L1TD1: variants seen among roughly 807,000 people sequenced by gnomAD.
L1TD1 encodes the protein LINE1 type transposase domain containing 1, also known as LINE-1 type transposase domain-containing protein 1.
In L1TD1, 26 loss-of-function variants were observed where a neutral mutation model predicts 25.7. The ratio of observed to expected loss-of-function variants is 1.01; its 90% confidence interval spans 0.74 to 1.40. The LOEUF is 1.40. Ranked by LOEUF, L1TD1 falls within the 40% of genes most tolerant of loss-of-function variation. The pLI is 0.00. For missense variants in L1TD1, 1,130 were observed against 975.0 expected (o/e 1.16, Z -2.12); for synonymous variants, 421 against 335.6 (o/e 1.25, Z -2.78).
rs755620644 is a variant in L1TD1 at position 62,210,806 on chromosome 1, A to G, written c.2032A>G (p.Met678Val). ...AATTGAAGAATTCTCTAAGGATACA[A>G]TGCAAATGACCAAACAGATAATTAG... ...DQIEEFSKDT[M>V]QMTKQIISKE... The change falls in exon 4 of 4, where the codon ATG becomes GTG. Residue 678 changes from methionine to valine, a missense_variant. Physicochemically the swap from Met to Val is conservative, Grantham distance 21. Coordinates refer to ENST00000498273, the MANE Select transcript of L1TD1 (RefSeq NM_019079.5). The G allele has an allele frequency of 1.0e-5, 16 of 1,550,040 alleles. No individual in the cohort carries two copies. The African/African-American group carries it at 1.9e-4, about 19-fold the overall frequency.
At chr1:62,208,490 T>TGTTGTTG (rs530963508) in intron 3 of L1TD1, 19,716 of 150,992 alleles carry the variant, frequency 0.13, 1,712 homozygotes, top group African/African-American at 0.22. Context: ...GCTTTTTTTT[T>TGTTGTTG]TTTTTTTGAG....
At chr1:62,207,754 C>G in intron 3 of L1TD1, 118 bp downstream of exon 3, 1 of 1,267,026 alleles carries the variant, frequency 7.9e-7, no homozygotes, top group Non-Finnish European at 1.0e-6. Context: ...CTCTTGTCGG[C>G]CAGGTGGGAG....
chr1:62,201,920 A>ACCTGT (rs766707823), intron 2 of L1TD1, among the ~76,000 whole-genome samples: 3 of 152,074 alleles, frequency 2.0e-5, no homozygotes, highest in Non-Finnish European at 4.4e-5. Flanking sequence ...GGTCCTATGG[A>ACCTGT]CCTGTCCGGT....
intron 2 of L1TD1, among the ~76,000 whole-genome samples, chr1:62,197,172 G>C (rs1346356428): frequency 6.6e-6 from 1 of 151,906 alleles, no homozygotes; most frequent in African/African-American, 2.4e-5. Flanking sequence ...GATCACTTAA[G>C]GTCAGCAGTT....
At chr1:62,196,053 G>C (rs974511285) in intron 1 of L1TD1, among the ~76,000 whole-genome samples, 4 of 150,578 alleles carry the variant, frequency 2.7e-5, no homozygotes, top group African/African-American at 9.8e-5. Context: ...AAAAAAAAGT[G>C]TTTAATTATG....
intron 2 of L1TD1, among the ~76,000 whole-genome samples, chr1:62,198,947 A>G (rs1200473555): frequency 6.6e-6 from 1 of 151,690 alleles, no homozygotes; most frequent in Non-Finnish European, 1.5e-5. Context: ...AAATAATCTG[A>G]CCGCCTCAGC....
At chr1:62,205,428 TATA>T (rs1292117348) in intron 2 of L1TD1, among the ~76,000 whole-genome samples, 764 of 70,992 alleles carry the variant, frequency 0.011, 39 homozygotes, top group African/African-American at 0.018. Context: ...TATATATATA[TATA>T]TATATATATA....
chr1:62,203,199 A>T (rs1405959583), intron 2 of L1TD1, among the ~76,000 whole-genome samples: 1 of 152,120 alleles, frequency 6.6e-6, no homozygotes, highest in Non-Finnish European at 1.5e-5. Flanking sequence ...TGTAATAATC[A>T]CATCAGGGTA....
At chr1:62,209,026 C>CT (rs1465196769) in intron 3 of L1TD1, among the ~76,000 whole-genome samples, 1 of 152,184 alleles carries the variant, frequency 6.6e-6, no homozygotes, top group East Asian at 1.9e-4. Flanking sequence ...CAGTGGCAGA[C>CT]TAAGGGCTTC....
intron 2 of L1TD1, among the ~76,000 whole-genome samples, 196 bp from the exon 3 acceptor site, chr1:62,206,323 C>G (rs1249768688): frequency 6.6e-6 from 1 of 152,050 alleles, no homozygotes. Context: ...ATTCAAATCA[C>G]TATGTAAAGG....
chr1:62,205,433 A>ATT (rs1161372604), intron 2 of L1TD1, among the ~76,000 whole-genome samples: 2 of 40,074 alleles, frequency 5.0e-5, no homozygotes, highest in African/African-American at 1.6e-4. Flanking sequence ...ATATATATAT[A>ATT]TATATATATA....
intron 2 of L1TD1, among the ~76,000 whole-genome samples, chr1:62,205,289 G>T (rs1042230761): frequency 6.6e-6 from 1 of 151,078 alleles, no homozygotes; most frequent in Non-Finnish European, 1.5e-5. Context: ...AGTGAGCCGA[G>T]ATCGCGCCAT....
chr1:62,199,557 G>A (rs1173481816), intron 2 of L1TD1, among the ~76,000 whole-genome samples: 1 of 151,628 alleles, frequency 6.6e-6, no homozygotes, highest in Middle Eastern at 3.2e-3. Context: ...ATCCCACCGT[G>A]CCCGGCTGTA....
At chr1:62,197,248 A>C (rs1670559811) in intron 2 of L1TD1, among the ~76,000 whole-genome samples, 1 of 151,250 alleles carries the variant, frequency 6.6e-6, no homozygotes, top group Admixed American at 6.6e-5. Flanking sequence ...TTAGCTGGGC[A>C]TGGTGGCACG....
In L1TD1 at chr1:62,210,036, C is replaced by T. The variant is rs1339677066; in HGVS notation, c.1262C>T (p.Ala421Val). The change falls in exon 4 of 4, where the codon GCT becomes GTT. Residue 421 changes from alanine (A) to valine (V), a missense_variant. Coordinates refer to ENST00000498273, the MANE Select transcript of L1TD1 (RefSeq NM_019079.5). The part of the protein sequence containing the change: ...SGLEEEEEEE[A>V]SGLEEDEASG... ...CTGGAGGAGGAAGAAGAAGAAGAGG[C>T]TTCAGGGTTGGAGGAGGATGAGGCC... The T allele has an allele frequency of 3.7e-6, 6 of 1,612,026 alleles. No individual in the cohort carries two copies. The Admixed American group carries it at 6.7e-5, about 18-fold the overall frequency.
In L1TD1 at chr1:62,206,503, T is replaced by G; in HGVS notation, c.-110-16T>G. The stretch of plus-strand genomic sequence containing the variant: ...GAATTCTTTAGTAAGTAATTTTTCA[T>G]TTTTTTGTATTTCAGATTGACGTAT... On this transcript the variant is annotated splice_polypyrimidine_tract_variant and intron_variant, in intron 2 of 3. Transcript: ENST00000498273. 1 of 987,922 alleles carries G rather than the reference T, an allele frequency of 1.0e-6. No individual in the cohort carries two copies. The allele number at this position is 987,922 out of a possible 1,614,324, so 61.2% of individuals were successfully genotyped here.
At chr1:62,197,278 G>A (rs544302482) in intron 2 of L1TD1, among the ~76,000 whole-genome samples, 1 of 151,144 alleles carries the variant, frequency 6.6e-6, no homozygotes, top group South Asian at 2.1e-4. Flanking sequence ...TCCCAGCTAC[G>A]TGGGAGGCTG....
At chr1:62,203,024 A>G (rs527777213) in intron 2 of L1TD1, among the ~76,000 whole-genome samples, 244 of 152,076 alleles carry the variant, frequency 1.6e-3, no homozygotes, top group African/African-American at 5.4e-3. Flanking sequence ...GTCTCACTGC[A>G]TTGCTGAGGC....
chr1:62,211,479 A>G lies in L1TD1; in HGVS notation c.*107A>G. On this transcript the variant is annotated 3_prime_UTR_variant, in exon 4 of 4. Transcript: ENST00000498273. The stretch of plus-strand genomic sequence containing the variant: ...CTACCCAGAAGGATGGACAGCTAAT[A>G]GCGTACTTGGGGATGAGGAGCAAGG... The G allele has an allele frequency of 2.7e-6, 4 of 1,488,494 alleles. No homozygotes were observed. Among genetic ancestry groups the G allele is most frequent in the Non-Finnish European group, 3.6e-6 (4 of 1,125,214 alleles). 92.2% of individuals were successfully genotyped at this position (1,488,494 alleles called of 1,614,324 possible).
Sources: gnomAD v4.1 joint callset for allele counts (sites outside exome capture counted in the v4.1 genomes callset) on GRCh38, gnomAD v4.1.1 for gene constraint, MANE v1.5 for transcripts, NCBI Gene and HGNC (gene_info 2026-07-23, HGNC 2026-07-21) for gene names.